METTL8: variants seen among roughly 807,000 people sequenced by gnomAD.
METTL8 encodes the protein methyltransferase 8, tRNA N3-cytidine.
Under a neutral mutation model 48.7 loss-of-function variants are expected in METTL8, and 32 were observed. That is an observed-to-expected ratio of 0.66 (90% CI 0.50 to 0.88). The LOEUF is 0.88. Ranked by LOEUF, METTL8 falls within the 40% of genes least tolerant of loss-of-function variation. The probability of loss-of-function intolerance (pLI) is 0.00; values close to 1 mark genes in which losing one functional copy is unlikely to be tolerated. For synonymous variants in METTL8, 136 were observed against 157.1 expected, an observed-to-expected ratio of 0.87 and a Z score of 1.01; for missense variants, 464 against 474.4, an observed-to-expected ratio of 0.98 and a Z score of 0.20.
intron 3 of METTL8, among the ~76,000 whole-genome samples, chr2:171,344,459 T>A (rs1687076288): frequency 1.3e-5 from 2 of 152,210 alleles, no homozygotes; most frequent in Admixed American, 1.3e-4. Flanking sequence ...TTCTCAATTA[T>A]GAAGTATCAA....
At chr2:171,354,863 A>AT (rs146105055) in intron 3 of METTL8, among the ~76,000 whole-genome samples, 51,632 of 151,380 alleles carry the variant, frequency 0.34, 8,886 homozygotes, top group Middle Eastern at 0.46. Context: ...CATTTGTCTA[A>AT]TTTTTTTTTC....
intron 1 of METTL8, among the ~76,000 whole-genome samples, chr2:171,424,140 A>C (rs1692160040): frequency 1.3e-5 from 2 of 152,214 alleles, no homozygotes; most frequent in Admixed American, 1.3e-4. Flanking sequence ...CACAGAAGTC[A>C]AGAACTGAGT....
chr2:171,355,346 G>T (rs1375030313), intron 3 of METTL8, among the ~76,000 whole-genome samples: 1 of 152,164 alleles, frequency 6.6e-6, no homozygotes, highest in African/African-American at 2.4e-5. Context: ...TCTCAGAGGG[G>T]TACCTGTCCG....
chr2:171,345,367 A>T (rs763480108), intron 3 of METTL8, among the ~76,000 whole-genome samples: 18 of 152,224 alleles, frequency 1.2e-4, no homozygotes, highest in Non-Finnish European at 2.2e-4. Context: ...CTAAGTTTCC[A>T]TGTAATAAAA....
chr2:171,427,964 A>G (rs1254980434), intron 1 of METTL8, among the ~76,000 whole-genome samples: 1 of 152,208 alleles, frequency 6.6e-6, no homozygotes, highest in African/African-American at 2.4e-5. Context: ...TAATAACCTG[A>G]GTATTTTATA....
chr2:171,369,832 C>T (rs887770890), intron 2 of METTL8, among the ~76,000 whole-genome samples: 4 of 152,090 alleles, frequency 2.6e-5, no homozygotes, highest in Admixed American at 2.6e-4. Context: ...TTTTGGGAGG[C>T]CAAGGCGGGC....
intron 1 of METTL8, among the ~76,000 whole-genome samples, chr2:171,401,324 C>CATCT (rs1402786522): frequency 6.6e-6 from 1 of 152,082 alleles, no homozygotes; most frequent in African/African-American, 2.4e-5. Context: ...AGAGGGTGAC[C>CATCT]ATCTGCCAGA....
intron 3 of METTL8, among the ~76,000 whole-genome samples, chr2:171,348,665 T>A (rs772510907): frequency 6.6e-6 from 1 of 152,084 alleles, no homozygotes; most frequent in Non-Finnish European, 1.5e-5. Context: ...AAGAAGCACA[T>A]GGAAGCTTCT....
At chr2:171,354,772 G>A (rs1284477783) in intron 3 of METTL8, among the ~76,000 whole-genome samples, 1 of 152,188 alleles carries the variant, frequency 6.6e-6, no homozygotes, top group Admixed American at 6.6e-5. Context: ...GCTTGTACAT[G>A]CGTCACATAG....
intron 1 of METTL8, among the ~76,000 whole-genome samples, chr2:171,429,955 A>G (rs1490669444): frequency 2.0e-5 from 3 of 151,914 alleles, no homozygotes; most frequent in African/African-American, 7.3e-5. Context: ...CAGGAGAATC[A>G]CTTGAACCCG....
intron 4 of METTL8, among the ~76,000 whole-genome samples, chr2:171,338,633 T>A (rs1342588124): frequency 7.0e-6 from 1 of 143,828 alleles, no homozygotes; most frequent in Non-Finnish European, 1.5e-5. Flanking sequence ...AGAACAAAAG[T>A]CTGTCTCAAA....
chr2:171,377,236 T>C (rs1687063635), intron 2 of METTL8, among the ~76,000 whole-genome samples: 3 of 152,122 alleles, frequency 2.0e-5, no homozygotes, highest in South Asian at 2.1e-4. Context: ...CTTGAAACCA[T>C]AAAAATTCTA....
At chr2:171,434,491 T>C, upstream of METTL8, 1 of 1,519,766 alleles carries the variant, frequency 6.6e-7, no homozygotes, top group Non-Finnish European at 8.8e-7. Context: ...GGCCTCGAAA[T>C]TCGAAGGCAG....
At chr2:171,416,757 T>C (rs2105640923) in intron 1 of METTL8, among the ~76,000 whole-genome samples, 1 of 152,364 alleles carries the variant, frequency 6.6e-6, no homozygotes, top group Middle Eastern at 3.4e-3. Context: ...GTTGTACAGA[T>C]GCAGGAGCTG....
At chr2:171,371,836 CTATTATTATTATTAT>C (rs4027587) in intron 2 of METTL8, among the ~76,000 whole-genome samples, 11 of 143,856 alleles carry the variant, frequency 7.6e-5, no homozygotes, top group African/African-American at 1.5e-4. Flanking sequence ...GTTATTATTA[CTATTATTATTATTAT>C]TATTATTATT....
intron 1 of METTL8, among the ~76,000 whole-genome samples, chr2:171,393,813 A>ACTG (rs1321673805): frequency 1.3e-5 from 2 of 152,164 alleles, no homozygotes; most frequent in African/African-American, 4.8e-5. Flanking sequence ...TAGGTTTAAG[A>ACTG]CTGTGAATTC....
intron 1 of METTL8, among the ~76,000 whole-genome samples, chr2:171,406,403 GT>G (rs1478329741): frequency 6.6e-6 from 1 of 152,166 alleles, no homozygotes; most frequent in Non-Finnish European, 1.5e-5. Context: ...CATAGACTAG[GT>G]TGCTTAAACA....
At chr2:171,404,100 T>TATATATATATATATATA (rs71013040) in intron 1 of METTL8, among the ~76,000 whole-genome samples, 1 of 121,504 alleles carries the variant, frequency 8.2e-6, no homozygotes, top group Non-Finnish European at 1.7e-5. Flanking sequence ...TATATATATA[T>TATATATATATATATATA]GATAGTTTAA....
chr2:171,426,254 A>C (rs1692406804), intron 1 of METTL8, among the ~76,000 whole-genome samples: 1 of 152,220 alleles, frequency 6.6e-6, no homozygotes, highest in Non-Finnish European at 1.5e-5. Context: ...ACAAGGAAAT[A>C]CTACACAGTA....
Sources: gnomAD v4.1 joint callset for allele counts (sites outside exome capture counted in the v4.1 genomes callset) on GRCh38, gnomAD v4.1.1 for gene constraint, MANE v1.5 for transcripts, NCBI Gene and HGNC (gene_info 2026-07-23, HGNC 2026-07-21) for gene names.